The following WARS2 variants were observed in gnomAD, a reference collection of about 807,000 sequenced individuals.
The protein encoded by WARS2 is tryptophanyl tRNA synthetase 2, mitochondrial.
In WARS2, 28 loss-of-function variants were observed where a neutral mutation model predicts 36.5. That is an observed-to-expected ratio of 0.77 (90% confidence interval 0.57 to 1.05). The LOEUF (loss-of-function observed/expected upper bound fraction) is 1.05. WARS2 is among the 50% of genes least tolerant of loss of function. WARS2 has a pLI of 0.00. For synonymous variants in WARS2, 174 were observed against 178.4 expected (o/e 0.98, Z 0.20); for missense variants, 435 against 456.8 (o/e 0.95, Z 0.44).
chr1:119,041,083 T>A (rs1201969342), intron 4 of WARS2, among the ~76,000 whole-genome samples: 1 of 152,244 alleles, frequency 6.6e-6, no homozygotes, highest in African/African-American at 2.4e-5. Flanking sequence ...AAGCAGCTGC[T>A]CTTTTGGCCG....
intron 4 of WARS2, among the ~76,000 whole-genome samples, chr1:119,035,474 G>A (rs1285906031): frequency 6.6e-6 from 1 of 152,064 alleles, no homozygotes; most frequent in Non-Finnish European, 1.5e-5. Flanking sequence ...TTGATAGTAA[G>A]AGCTCAATAA....
At chr1:119,067,352 T>G (rs1650961016) in intron 2 of WARS2, among the ~76,000 whole-genome samples, 1 of 152,212 alleles carries the variant, frequency 6.6e-6, no homozygotes, top group South Asian at 2.1e-4. Flanking sequence ...ATTATACTTG[T>G]AATGTTTAAT....
At chr1:119,036,878 T>C (rs1185130582) in intron 4 of WARS2, among the ~76,000 whole-genome samples, 3 of 152,210 alleles carry the variant, frequency 2.0e-5, no homozygotes, top group Non-Finnish European at 4.4e-5. Context: ...TTAGTGTGTT[T>C]GTTTCTAGCC....
At chr1:119,109,787 A>G (rs1326753386) in intron 1 of WARS2, among the ~76,000 whole-genome samples, 2 of 151,246 alleles carry the variant, frequency 1.3e-5, no homozygotes, top group Non-Finnish European at 1.5e-5. Flanking sequence ...TGTCTTCCAC[A>G]CTTTTCTGCC....
At chr1:119,067,867 T>C (rs909719804) in intron 2 of WARS2, among the ~76,000 whole-genome samples, 1 of 152,058 alleles carries the variant, frequency 6.6e-6, no homozygotes, top group Non-Finnish European at 1.5e-5. Flanking sequence ...CTTGAAGGTA[T>C]AATTAACCTA....
At chr1:119,097,628 C>T (rs970920859) in intron 1 of WARS2, among the ~76,000 whole-genome samples, 1 of 152,218 alleles carries the variant, frequency 6.6e-6, no homozygotes, top group African/African-American at 2.4e-5. Flanking sequence ...AACTACAATG[C>T]TTTGTCCTCC....
At chr1:119,109,211 T>C (rs1354856163) in intron 1 of WARS2, among the ~76,000 whole-genome samples, 1 of 151,996 alleles carries the variant, frequency 6.6e-6, no homozygotes, top group African/African-American at 2.4e-5. Context: ...AAATCATCTA[T>C]AGATGTCAGT....
intron 1 of WARS2, chr1:119,085,781 C>T: frequency 6.2e-7 from 1 of 1,603,692 alleles, no homozygotes; most frequent in East Asian, 2.2e-5. Flanking sequence ...TCTCCCCATA[C>T]TGTGAGAACA....
At chr1:119,042,157 G>T in intron 4 of WARS2, 107 bp downstream of exon 4, 1 of 943,244 alleles carries the variant, frequency 1.1e-6, no homozygotes, top group Non-Finnish European at 1.7e-6. Context: ...GATGTCTGAC[G>T]CTTTCTGCAC....
chr1:119,034,266 G>A (rs1048591953), intron 4 of WARS2, 53 bp from the exon 5 acceptor site: 1 of 1,413,352 alleles, frequency 7.1e-7, no homozygotes, highest in Non-Finnish European at 1.0e-6. Flanking sequence ...CTTAGAGACA[G>A]AAATGATATT....
chr1:119,139,436 T>A (rs1208892196), intron 1 of WARS2, among the ~76,000 whole-genome samples: 1 of 152,218 alleles, frequency 6.6e-6, no homozygotes, highest in African/African-American at 2.4e-5. Context: ...TTCATAATCA[T>A]GGAACTATAG....
intron 4 of WARS2, among the ~76,000 whole-genome samples, chr1:119,041,602 T>C (rs909680583): frequency 2.0e-5 from 3 of 152,316 alleles, no homozygotes; most frequent in Non-Finnish European, 4.4e-5. Context: ...AGTTCCTCTG[T>C]GGCACTAGCA....
chr1:119,140,223 T>TAAAACAACCCGTCTCTG (rs1656845770), intron 1 of WARS2: 1 of 240,474 alleles, frequency 4.2e-6, no homozygotes. Context: ...GAGCAGTCTC[T>TAAAACAACCCGTCTCTG]AAAACAACCC....
At chr1:119,103,466 T>C (rs1010283608) in intron 1 of WARS2, among the ~76,000 whole-genome samples, 4 of 152,268 alleles carry the variant, frequency 2.6e-5, no homozygotes, top group African/African-American at 9.6e-5. Flanking sequence ...ACCTAGTAGT[T>C]AATAATATAC....
At chr1:119,101,082 T>C (rs1012768943) in intron 1 of WARS2, among the ~76,000 whole-genome samples, 2 of 151,996 alleles carry the variant, frequency 1.3e-5, no homozygotes, top group Non-Finnish European at 2.9e-5. Context: ...GAGGGGAGGA[T>C]GAAGAGAAGT....
intron 1 of WARS2, among the ~76,000 whole-genome samples, chr1:119,092,094 G>A (rs587664397): frequency 2.0e-5 from 3 of 152,346 alleles, no homozygotes; most frequent in Admixed American, 1.3e-4. Context: ...GTGGATCAAA[G>A]AGTGAGAATA....
intron 1 of WARS2, among the ~76,000 whole-genome samples, chr1:119,129,645 A>G (rs587670287): frequency 1.3e-5 from 2 of 152,244 alleles, no homozygotes; most frequent in Non-Finnish European, 2.9e-5. Context: ...AGTCCAGGAC[A>G]TCAAGGCTGC....
chr1:119,082,656 C>G (rs1652288020), intron 1 of WARS2: 1 of 155,102 alleles, frequency 6.4e-6, no homozygotes, highest in Non-Finnish European at 1.4e-5. Flanking sequence ...AACCCCTCTC[C>G]CCAACACACT....
chr1:119,078,562 ACT>A (rs1311195538), intron 1 of WARS2, among the ~76,000 whole-genome samples: 1 of 151,908 alleles, frequency 6.6e-6, no homozygotes, highest in African/African-American at 2.4e-5. Context: ...TTATGGTTTA[ACT>A]CTCTTTGATT....
Sources: gnomAD v4.1 joint callset for allele counts (sites outside exome capture counted in the v4.1 genomes callset) on GRCh38, gnomAD v4.1.1 for gene constraint, MANE v1.5 for transcripts, NCBI Gene and HGNC (gene_info 2026-07-23, HGNC 2026-07-21) for gene names.